Variants in TBC1D17 observed in about 807,000 individuals in gnomAD.
The protein encoded by TBC1D17 is TBC1 domain family, member 17.
Under a neutral mutation model 78.8 loss-of-function variants are expected in TBC1D17, and 69 were observed. The observed-to-expected ratio is 0.88, with a 90% CI of 0.72 to 1.07. TBC1D17 has a LOEUF of 1.07. Ranked by LOEUF, TBC1D17 falls within the 50% of genes least tolerant of loss-of-function variation. The pLI, the probability that TBC1D17 is intolerant of heterozygous loss-of-function variation, is 0.00. For missense variants in TBC1D17, 957 were observed against 861.0 expected (o/e 1.11, Z -1.39); for synonymous variants, 456 against 358.3 (o/e 1.27, Z -3.08).
At position 49,882,116 on chromosome 19, in the gene TBC1D17, G is replaced by A. The variant is rs35008717; in HGVS notation, c.603G>A (p.Leu201=). 8.0e-3 allele frequency: 12,890 copies of A among 1,614,114 alleles called. 71 individuals are homozygous for A. Among genetic ancestry groups the A allele is most frequent in the Non-Finnish European group, 9.6e-3 (11,342 of 1,179,992 alleles). The change falls in exon 6 of 17, where the codon CTG becomes CTA. Residue 201 remains leucine (L), a synonymous_variant. Transcript: ENST00000221543. ...SSALSNSFHH[L]QLFDQDSSNV... ...CTCTCTCCAACTCCTTCCACCACCT[G>A]CAGCTCTTTGACCAGGACAGCTCCA... is the stretch of plus-strand genomic sequence containing the variant.
In TBC1D17 at chr19:49,888,469, G is replaced by T. The variant is rs763920456; in HGVS notation, c.1792G>T (p.Ala598Ser). 2 of 1,584,266 alleles carry T rather than the reference G, an allele frequency of 1.3e-6. No homozygotes were observed. Among genetic ancestry groups the T allele is most frequent in the Non-Finnish European group, 1.7e-6 (2 of 1,169,500 alleles). Residue 598 changes from alanine (A) to serine (S), a missense_variant, in exon 17 of 17, where the codon GCA becomes TCA. Physicochemically the swap from Ala to Ser is moderately conservative, Grantham distance 99 (BLOSUM62 1). Transcript: ENST00000221543. ...VQEILGLAPP[A>S]EPHSPSPTAS... is the part of the protein sequence containing the mutation. Reference sequence around the variant, plus strand: ...GGAGATCCTGGGGCTGGCCCCGCCCGCAGAGCCCCACAGCCCCTCGCCCAC... The same window carrying T: ...GGAGATCCTGGGGCTGGCCCCGCCCTCAGAGCCCCACAGCCCCTCGCCCAC...
chr19:49,882,879 G>A lies in TBC1D17; in HGVS notation c.914G>A (p.Arg305Gln), dbSNP rs192395449. ...CAGCAGGTCCCTGAGCTGAAGAACC[G>A]GATCTTCTCGGGGGTGAGTGCCAGG... The part of the protein sequence containing the change: ...RLQQVPELKN[R>Q]IFSGGLSPSL... The change falls in exon 8 of 17, where the codon CGG becomes CAG. Residue 305 changes from arginine (R) to glutamine (Q), a missense_variant. Arg to Gln is a conservative substitution (Grantham distance 43, BLOSUM62 1). Transcript: ENST00000221543. 7.6e-5 allele frequency: 122 copies of A among 1,608,670 alleles called. 1 individual carries two copies. Among genetic ancestry groups the A allele is most frequent in the African/African-American group, 7.0e-4 (52 of 74,748 alleles).
At position 49,878,795 on chromosome 19, in the gene TBC1D17, G is replaced by A. The variant is rs976314821; in HGVS notation, c.195+223G>A. On this transcript the variant is annotated intron_variant, in intron 3 of 16. Transcript: ENST00000221543. ...CAGGGAGCATAAGACGCACGGTCGT[G>A]GGGACGGCTGACCCCTCTCTCCCTT... 3 of 543,790 alleles carry A rather than the reference G, an allele frequency of 5.5e-6. No homozygotes were observed. The Admixed American group carries it at 9.6e-5, about 17-fold the overall frequency. 33.7% of individuals were successfully genotyped at this position (543,790 alleles called of 1,614,324 possible). A position where few individuals can be genotyped will look rare whatever the true frequency, so the allele number is the denominator to read the frequency against.
At chr19:49,879,600 A>G (rs1293078053) in intron 3 of TBC1D17, 2 of 143,362 alleles carry the variant, frequency 1.4e-5, no homozygotes, top group East Asian at 4.1e-4. Flanking sequence ...TGTTGTTGTT[A>G]TTGTTTTTTT....
At position 49,888,424 on chromosome 19, in the gene TBC1D17, G is replaced by A; in HGVS notation, c.1747G>A (p.Glu583Lys). ...ALHRQLTACPELPHNVQEILG... is the reference protein window; with the variant it reads ...ALHRQLTACPKLPHNVQEILG... ...CGCTTCTCTCATCCCGTGCCTCCAG[G>A]AGCTGCCCCACAACGTGCAGGAGAT... Residue 583 changes from glutamate (E) to lysine (K), a missense_variant and splice_region_variant, in exon 17 of 17, where the codon GAG becomes AAG. By Grantham distance (56) the Glu-to-Lys change is moderately conservative. Transcript: ENST00000221543. The A allele has an allele frequency of 6.3e-7, 1 of 1,596,826 alleles. No individual in the cohort carries two copies. Among genetic ancestry groups the A allele is most frequent in the Non-Finnish European group, 8.5e-7 (1 of 1,175,402 alleles).
At chr19:49,887,306 A>C in intron 13 of TBC1D17, 170 bp from the exon 14 acceptor site, 1 of 630,124 alleles carries the variant, frequency 1.6e-6, no homozygotes, top group South Asian at 1.8e-5. Flanking sequence ...AGTGGGAGGA[A>C]GGAGGGGCAG....
Position 49,888,496 on chromosome 19 carries a change from G to T in TBC1D17, c.1819G>T (p.Ala607Ser). Residue 607 changes from alanine (A) to serine (S), a missense_variant, in exon 17 of 17, where the codon GCC becomes TCC. Coordinates refer to ENST00000221543, the MANE Select transcript of TBC1D17 (RefSeq NM_024682.3). ...AGAGCCCCACAGCCCCTCGCCCACC[G>T]CCTCCCCGCTGCCTCTGTCGCCCAC... ...PAEPHSPSPT[A>S]SPLPLSPTRA... The T allele has an allele frequency of 2.1e-6, 3 of 1,436,718 alleles. No homozygotes were observed. Among genetic ancestry groups the T allele is most frequent in the South Asian group, 1.2e-5 (1 of 84,304 alleles). 89.0% of individuals were successfully genotyped at this position (1,436,718 alleles called of 1,614,324 possible).
At position 49,883,043 on chromosome 19, in the gene TBC1D17, C is replaced by A. The variant is rs766847344; in HGVS notation, c.998C>A (p.Ala333Asp). 1 of 1,611,056 alleles carries A rather than the reference C, an allele frequency of 6.2e-7. No homozygotes were observed. Among genetic ancestry groups the A allele is most frequent in the Non-Finnish European group, 8.5e-7 (1 of 1,178,850 alleles). The stretch of plus-strand genomic sequence containing the variant: ...GGGTACCTCAGCTGGGAAGGCACAG[C>A]TGAGGAGCACAAGGCCCACATACGC... ...LLGYLSWEGT[A>D]EEHKAHIRKK... Residue 333 changes from alanine to aspartate, a missense_variant, in exon 9 of 17, where the codon GCT (alanine) becomes GAT (aspartate). Ala to Asp is a moderately radical substitution (Grantham distance 126). Transcript: ENST00000221543.
At chr19:49,879,399 A>G (rs2074990251) in intron 3 of TBC1D17, 1 of 152,268 alleles carries the variant, frequency 6.6e-6, no homozygotes, top group African/African-American at 2.4e-5. Flanking sequence ...GCGCTGCCCC[A>G]GGGCAGGAGG....
rs1555814226 is a variant in TBC1D17 at position 49,877,714 on chromosome 19, G to A, written c.-10G>A. ...GAGGAGGCGGGGCAGTGGGGCCTTC[G>A]GCGGCGACTATGGAAGGAGCCGGCT... On this transcript the variant is annotated 5_prime_UTR_variant, in exon 1 of 17. Transcript: ENST00000221543. The A allele has an allele frequency of 6.2e-7, 1 of 1,600,566 alleles. No individual in the cohort carries two copies. Among genetic ancestry groups the A allele is most frequent in the South Asian group, 1.1e-5 (1 of 88,342 alleles).
rs1472858656 is a variant in TBC1D17 at position 49,883,698 on chromosome 19, A to G, written c.1079A>G (p.Glu360Gly). 1.2e-6 allele frequency: 2 copies of G among 1,614,010 alleles called. No homozygotes were observed. Residue 360 changes from glutamate to glycine, a missense_variant, in exon 10 of 17, where the codon GAG becomes GGG. Coordinates refer to ENST00000221543, the MANE Select transcript of TBC1D17 (RefSeq NM_024682.3). The part of the protein sequence containing the change: ...MKLQWKSVSP[E>G]QERRNSLLHG... ...CTGCAGTGGAAATCTGTGAGCCCTGAGCAGGAGCGGAGAAACTCACTTCTG... is the reference window on the plus strand; with the variant it reads ...CTGCAGTGGAAATCTGTGAGCCCTGGGCAGGAGCGGAGAAACTCACTTCTG...
At chr19:49,886,730 AGAAT>A (rs1480202572) in intron 13 of TBC1D17, 1 of 152,372 alleles carries the variant, frequency 6.6e-6, no homozygotes, top group Admixed American at 6.5e-5. Flanking sequence ...CTCAAAGGTT[AGAAT>A]GCTCAGACTC....
Position 49,888,493 on chromosome 19 carries a change from A to G in TBC1D17, c.1816A>G (p.Thr606Ala), listed in dbSNP as rs1243033234. 6.7e-7 allele frequency: 1 copy of G among 1,500,022 alleles called. No individual in the cohort carries two copies. The highest frequency in any genetic ancestry group is 1.7e-5 in the African/African-American group (1 of 60,120). 92.9% of individuals were successfully genotyped at this position (1,500,022 alleles called of 1,614,324 possible). Reference protein sequence around the residue: ...PPAEPHSPSPTASPLPLSPTR... With the variant: ...PPAEPHSPSPAASPLPLSPTR... ...CGCAGAGCCCCACAGCCCCTCGCCC[A>G]CCGCCTCCCCGCTGCCTCTGTCGCC... The change falls in exon 17 of 17, where the codon ACC (threonine) becomes GCC (alanine). Residue 606 changes from threonine to alanine, a missense_variant. Transcript: ENST00000221543.
chr19:49,888,098 G>A, intron 15 of TBC1D17, 133 bp from the exon 16 acceptor site: 3 of 1,408,822 alleles, frequency 2.1e-6, no homozygotes, highest in South Asian at 1.3e-5. Context: ...AGCATGTCTC[G>A]CCCAGCGCAC....
At position 49,882,407 on chromosome 19, in the gene TBC1D17, A is replaced by C. The variant is rs1362750168; in HGVS notation, c.798+7A>C. ...ATTCGAGGTCATTTCCTGTGTGAGTAGTGAGTGGACCCTCCCTGTTATTTC... is the reference window on the plus strand; with the variant it reads ...ATTCGAGGTCATTTCCTGTGTGAGTCGTGAGTGGACCCTCCCTGTTATTTC... On this transcript the variant is annotated splice_region_variant and intron_variant, in intron 7 of 16. Transcript: ENST00000221543. 6.2e-7 allele frequency: 1 copy of C among 1,600,242 alleles called. No individual in the cohort carries two copies. Among genetic ancestry groups the C allele is most frequent in the South Asian group, 1.1e-5 (1 of 90,980 alleles).
Position 49,880,388 on chromosome 19 carries a change from C to G in TBC1D17, c.305C>G (p.Ser102Ter). ...ISTVRPQLCH[S>*]EPTRGAEPSC... ...ACTGTGCGGCCACAGCTCTGCCACT[C>G]AGAGCCCACGAGAGGTAGGCTGAGG... The change falls in exon 4 of 17, where the codon TCA becomes TGA. Residue 102 changes from serine (S) to a stop codon, truncating the protein, a stop_gained. Transcript: ENST00000221543. LOFTEE classifies it high-confidence loss of function. 6.2e-7 allele frequency: 1 copy of G among 1,613,826 alleles called. No homozygotes were observed. Among genetic ancestry groups the G allele is most frequent in the Non-Finnish European group, 8.5e-7 (1 of 1,179,922 alleles).
chr19:49,882,676 A>C, intron 7 of TBC1D17, 88 bp from the exon 8 acceptor site: 1 of 1,443,372 alleles, frequency 6.9e-7, no homozygotes, highest in South Asian at 1.5e-5. Context: ...CGTCAAGCTA[A>C]TAAGCTCTCT....
chr19:49,881,624 A>C (rs2075013877), intron 5 of TBC1D17, 149 bp downstream of exon 5: 3 of 791,150 alleles, frequency 3.8e-6, no homozygotes, highest in Non-Finnish European at 5.9e-6. Context: ...AAAAGTCAAA[A>C]AGGAGTATTG....
rs750375696 is a variant in TBC1D17 at position 49,881,367 on chromosome 19, A to G, written c.419A>G (p.Tyr140Cys). Residue 140 changes from tyrosine (Y) to cysteine (C), a missense_variant, in exon 5 of 17, where the codon TAC becomes TGC. By Grantham distance (194) the Tyr-to-Cys change is radical. Transcript: ENST00000221543. ...RRSKPGLSWA[Y>C]LVLVTQAGGS... ...TCCAAGCCAGGCCTCAGCTGGGCCT[A>G]CCTGGTTCTGGTGACCCAGGCTGGA... 5.0e-6 allele frequency: 8 copies of G among 1,613,326 alleles called. No individual in the cohort carries two copies. Among genetic ancestry groups the G allele is most frequent in the Non-Finnish European group, 5.9e-6 (7 of 1,179,994 alleles).
Sources: gnomAD v4.1 joint callset for allele counts on GRCh38, gnomAD v4.1.1 for gene constraint, MANE v1.5 for transcripts, NCBI Gene and HGNC (gene_info 2026-07-23, HGNC 2026-07-21) for gene names.